Variants in IGF1 observed in about 807,000 individuals in gnomAD.
The protein encoded by IGF1 is insulin like growth factor 1.
In IGF1, 4 loss-of-function variants were observed where a neutral mutation model predicts 13.8. The ratio of observed to expected loss-of-function variants is 0.29; its 90% confidence interval spans 0.14 to 0.66. The LOEUF is 0.66. IGF1 is among the 30% of genes least tolerant of loss of function. The pLI is 0.78. For missense variants in IGF1, 124 were observed against 188.5 expected (o/e 0.66, Z 2.00); for synonymous variants, 76 against 72.6 (o/e 1.05, Z -0.23).
chr12:102,418,418 A>G (rs1875359727), intron 3 of IGF1, among the ~76,000 whole-genome samples: 3 of 152,224 alleles, frequency 2.0e-5, no homozygotes, highest in African/African-American at 7.2e-5. Flanking sequence ...ATAAGCCACC[A>G]TGGTCCTCTT....
chr12:102,463,593 G>A (rs932221801), intron 2 of IGF1: 28 of 152,210 alleles, frequency 1.8e-4, no homozygotes, highest in African/African-American at 6.8e-4. Flanking sequence ...GAGACTTCAT[G>A]ATGTTATCCG....
chr12:102,413,917 G>T (rs576715245), intron 3 of IGF1, among the ~76,000 whole-genome samples: 4 of 152,196 alleles, frequency 2.6e-5, no homozygotes, highest in African/African-American at 9.6e-5. Context: ...ATGGTTCTTA[G>T]GTCATTGAGT....
intron 1 of IGF1, among the ~76,000 whole-genome samples, chr12:102,479,419 C>G (rs763063596): frequency 6.6e-6 from 1 of 151,980 alleles, no homozygotes; most frequent in Non-Finnish European, 1.5e-5. Context: ...AAAAAAAACA[C>G]AAGTCTTGAA....
At chr12:102,404,336 G>A (rs1873948741) in intron 3 of IGF1, among the ~76,000 whole-genome samples, 1 of 152,168 alleles carries the variant, frequency 6.6e-6, no homozygotes, top group African/African-American at 2.4e-5. Context: ...TATGAAGGCT[G>A]GGGAAAAAGA....
At chr12:102,444,739 C>T (rs767249537) in intron 2 of IGF1, among the ~76,000 whole-genome samples, 3 of 151,950 alleles carry the variant, frequency 2.0e-5, no homozygotes, top group Admixed American at 6.5e-5. Context: ...CTAAGTGCCG[C>T]GTAGTATGTG....
At chr12:102,407,074 A>G (rs1874215080) in intron 3 of IGF1, among the ~76,000 whole-genome samples, 1 of 125,752 alleles carries the variant, frequency 8.0e-6, no homozygotes, top group Admixed American at 8.9e-5. Context: ...AGCCTTGGCG[A>G]CAGAGTAAAA....
chr12:102,414,496 G>A (rs926728308), intron 3 of IGF1, among the ~76,000 whole-genome samples: 7 of 151,902 alleles, frequency 4.6e-5, no homozygotes, highest in African/African-American at 1.2e-4. Flanking sequence ...ATCTCGGCTC[G>A]CTGCAACCTC....
At chr12:102,423,579 G>A (rs1430859628) in intron 2 of IGF1, among the ~76,000 whole-genome samples, 3 of 152,132 alleles carry the variant, frequency 2.0e-5, no homozygotes, top group Admixed American at 1.3e-4. Context: ...ATAATGTTTA[G>A]TCACAATGTA....
Position 102,441,915 on chromosome 12 carries a change from CCTTCTT to C in IGF1, c.221-22231_221-22226del, listed in dbSNP as rs57084343. ...GTCATTCTATTACACTGCTTCTTCT[CCTTCTT>C]CTTCTTCTTCTTCTTCTTCTTCTTC... On this transcript the variant is annotated intron_variant, in intron 2 of 3. Transcript: ENST00000337514. Among the ~76,000 whole-genome samples the C allele has an allele frequency of 3.6e-3, 440 of 122,176 alleles. 7 individuals are homozygous for C. The highest frequency in any genetic ancestry group is 0.012 in the African/African-American group (374 of 32,506). 80.2% of individuals were successfully genotyped at this position (122,176 alleles called of 152,430 possible).
At chr12:102,410,509 G>A (rs7132915) in intron 3 of IGF1, among the ~76,000 whole-genome samples, 4,401 of 152,278 alleles carry the variant, frequency 0.029, 240 homozygotes, top group African/African-American at 0.1. Flanking sequence ...CAGCACATTA[G>A]TACCTAAAAA....
rs576022853 is a variant in IGF1 at position 102,399,678 on chromosome 12, G to A, written c.*2829C>T. Reference sequence around the variant, plus strand: ...AAAAGTTAAGAAAGATAATATGGCAGTGCATCTTTCAGCTTTCCTCCTTGG... The same window carrying A: ...AAAAGTTAAGAAAGATAATATGGCAATGCATCTTTCAGCTTTCCTCCTTGG... On this transcript the variant is annotated 3_prime_UTR_variant, in exon 4 of 4. Transcript: ENST00000337514. 2 of 152,172 alleles carry A rather than the reference G, an allele frequency of 1.3e-5. No homozygotes were observed. The highest frequency in any genetic ancestry group is 4.8e-5 in the African/African-American group (2 of 41,454). 9.4% of individuals were successfully genotyped at this position (152,172 alleles called of 1,614,324 possible).
chr12:102,476,018 ATCTTTGGAGGAGTCCTCCCTGAACCCTT>A (rs1352208187), intron 1 of IGF1, among the ~76,000 whole-genome samples: 1 of 152,134 alleles, frequency 6.6e-6, no homozygotes, highest in Non-Finnish European at 1.5e-5. Context: ...GCTACTGTGG[ATCTTTGGAGGAGTCCTCCCTGAACCCTT>A]TCTTTATGGG....
intron 2 of IGF1, among the ~76,000 whole-genome samples, chr12:102,459,334 A>G (rs1879709394): frequency 1.3e-5 from 2 of 152,122 alleles, no homozygotes; most frequent in Admixed American, 1.3e-4. Flanking sequence ...AAGTGATAAG[A>G]ATTGCTTTGG....
At chr12:102,470,492 G>A (rs146567847) in intron 2 of IGF1, among the ~76,000 whole-genome samples, 566 of 152,278 alleles carry the variant, frequency 3.7e-3, no homozygotes, top group African/African-American at 0.013. Flanking sequence ...CAAGCATTTG[G>A]GGTCAATATA....
chr12:102,473,395 GT>G (rs1880808130), intron 2 of IGF1, among the ~76,000 whole-genome samples: 2 of 152,130 alleles, frequency 1.3e-5, no homozygotes, highest in African/African-American at 4.8e-5. Context: ...CTCCATCAAT[GT>G]TTTGAATTAC....
intron 3 of IGF1, among the ~76,000 whole-genome samples, chr12:102,403,185 C>T (rs763017160): frequency 5.9e-5 from 9 of 152,018 alleles, no homozygotes; most frequent in African/African-American, 1.2e-4. Context: ...CTTGTGTTTC[C>T]GTTTCTTCAT....
At chr12:102,465,344 A>AGAACAAC (rs981012606) in intron 2 of IGF1, among the ~76,000 whole-genome samples, 5 of 152,198 alleles carry the variant, frequency 3.3e-5, no homozygotes, top group African/African-American at 1.2e-4. Context: ...GCTGAGCCTC[A>AGAACAAC]GAACAACTCA....
rs528257060 is a variant in IGF1 at position 102,441,927 on chromosome 12, T to G, written c.221-22237A>C. ...CACTGCTTCTTCTCCTTCTTCTTCT[T>G]CTTCTTCTTCTTCTTCTTCTTCTTC... is the stretch of plus-strand genomic sequence containing the variant. On this transcript the variant is annotated intron_variant, in intron 2 of 3. Transcript: ENST00000337514. Among the ~76,000 whole-genome samples the G allele has an allele frequency of 5.1e-4, 65 of 127,822 alleles. 1 individual carries two copies. The highest frequency in any genetic ancestry group is 1.8e-3 in the African/African-American group (62 of 34,186). 83.9% of individuals were successfully genotyped at this position (127,822 alleles called of 152,430 possible).
At chr12:102,444,540 G>C (rs1878149696) in intron 2 of IGF1, among the ~76,000 whole-genome samples, 1 of 152,012 alleles carries the variant, frequency 6.6e-6, no homozygotes, top group South Asian at 2.1e-4. Context: ...GTTATTTACT[G>C]TCTACTATGT....
Sources: gnomAD v4.1 joint callset for allele counts (sites outside exome capture counted in the v4.1 genomes callset) on GRCh38, gnomAD v4.1.1 for gene constraint, MANE v1.5 for transcripts, NCBI Gene and HGNC (gene_info 2026-07-23, HGNC 2026-07-21) for gene names.